Variants in YTHDC2 observed in about 807,000 individuals in gnomAD.
YTHDC2 encodes 3'-5' RNA helicase YTHDC2.
A neutral mutation model predicts 174.9 loss-of-function variants in YTHDC2; 45 were observed. The observed-to-expected ratio is 0.26, with a 90% CI of 0.20 to 0.33. The LOEUF is 0.33. YTHDC2 is among the 10% of genes least tolerant of loss of function. The probability of loss-of-function intolerance (pLI) is 1.00; values close to 1 mark genes in which losing one functional copy is unlikely to be tolerated. For missense variants in YTHDC2, 1,650 were observed against 1,723.7 expected, an observed-to-expected ratio of 0.96 and a Z score of 0.76; for synonymous variants, 657 against 574.5, an observed-to-expected ratio of 1.14 and a Z score of -2.05.
rs200770376 is a variant in YTHDC2 at position 113,526,835 on chromosome 5, A to G, written c.675+50A>G. 47 of 383,420 alleles carry G rather than the reference A, an allele frequency of 1.2e-4. 5 individuals carry two copies. The East Asian group carries it at 3.4e-3, about 28-fold the overall frequency. 23.8% of individuals were successfully genotyped at this position (383,420 alleles called of 1,614,324 possible). A position where few individuals can be genotyped will look rare whatever the true frequency, so the allele number is the denominator to read the frequency against. On this transcript the variant is annotated intron_variant, in intron 4 of 29. Coordinates refer to ENST00000161863, the MANE Select transcript of YTHDC2 (RefSeq NM_022828.5). ...AGAAAAAAAAAAAAAAAATATATAT[A>G]TATATATATATATAGTCCCATATTA...
intron 26 of YTHDC2, among the ~76,000 whole-genome samples, chr5:113,590,442 C>G (rs1257100601): frequency 6.6e-6 from 1 of 152,130 alleles, no homozygotes; most frequent in East Asian, 1.9e-4. Flanking sequence ...ATTGTTTGGT[C>G]TACTTGTTTT....
At chr5:113,546,039 C>CCTCATTAT (rs546478622) in intron 10 of YTHDC2, among the ~76,000 whole-genome samples, 1 of 128,050 alleles carries the variant, frequency 7.8e-6, no homozygotes, top group Non-Finnish European at 1.6e-5. Context: ...CGCGCCCGGC[C>CCTCATTAT]TGATCTCCAT....
chr5:113,561,780 T>A (rs1776993284), intron 18 of YTHDC2, among the ~76,000 whole-genome samples: 1 of 152,140 alleles, frequency 6.6e-6, no homozygotes, highest in Admixed American at 6.5e-5. Flanking sequence ...TTTTTTTAAA[T>A]GCAGCATTTT....
intron 21 of YTHDC2, among the ~76,000 whole-genome samples, chr5:113,566,262 A>G (rs1027507829): frequency 6.6e-6 from 1 of 152,128 alleles, no homozygotes; most frequent in African/African-American, 2.4e-5. Flanking sequence ...TGCTTGTGAT[A>G]CTGTTGGCAA....
intron 16 of YTHDC2, among the ~76,000 whole-genome samples, chr5:113,555,808 A>T (rs1158389530): frequency 6.6e-6 from 1 of 152,212 alleles, no homozygotes; most frequent in Non-Finnish European, 1.5e-5. Context: ...CAAATAGCTC[A>T]GCAGAGCACA....
At chr5:113,590,788 A>G (rs915629757) in intron 26 of YTHDC2, among the ~76,000 whole-genome samples, 2 of 152,230 alleles carry the variant, frequency 1.3e-5, no homozygotes, top group Admixed American at 6.5e-5. Flanking sequence ...TATTTGAGGT[A>G]TAAACCAAAG....
chr5:113,539,929 T>G (rs1359329527), intron 8 of YTHDC2, among the ~76,000 whole-genome samples: 1 of 152,136 alleles, frequency 6.6e-6, no homozygotes, highest in African/African-American at 2.4e-5. Context: ...AGAGACAGGT[T>G]CTTGTTCTAT....
At chr5:113,543,856 T>C (rs1392862727) in intron 10 of YTHDC2, among the ~76,000 whole-genome samples, 4 of 152,250 alleles carry the variant, frequency 2.6e-5, no homozygotes, top group Admixed American at 2.6e-4. Flanking sequence ...TCTCCACTGG[T>C]AATCACATGG....
chr5:113,591,079 T>C lies in YTHDC2; in HGVS notation c.3864T>C (p.Val1288=). The change falls in exon 27 of 30, where the codon GTT becomes GTC. Residue 1288 remains valine, a synonymous_variant. Transcript: ENST00000161863. ...CTTCGCCAAGACCAAACATGCCTGT[T>C]CGATACTTCATAATGAAGAGTAGCA... ...KSPSPRPNMP[V]RYFIMKSSNL... 6.2e-7 allele frequency: 1 copy of C among 1,613,968 alleles called. No individual in the cohort carries two copies. Among genetic ancestry groups the C allele is most frequent in the African/African-American group, 1.3e-5 (1 of 75,044 alleles).
At chr5:113,574,913 A>G (rs1335745213) in intron 23 of YTHDC2, among the ~76,000 whole-genome samples, 1 of 152,208 alleles carries the variant, frequency 6.6e-6, no homozygotes, top group Non-Finnish European at 1.5e-5. Context: ...GCAAAGATCC[A>G]TGGGAGAAAT....
intron 23 of YTHDC2, among the ~76,000 whole-genome samples, chr5:113,575,586 A>G (rs374372156): frequency 6.6e-6 from 1 of 152,324 alleles, no homozygotes; most frequent in Middle Eastern, 3.4e-3. Context: ...GTGCTAGGAA[A>G]TTATCTAGGA....
chr5:113,549,114 T>G, intron 12 of YTHDC2, 94 bp downstream of exon 12: 2 of 1,057,544 alleles, frequency 1.9e-6, no homozygotes, highest in Non-Finnish European at 2.7e-6. Flanking sequence ...AGACCATTTA[T>G]AGTCTTTTAT....
chr5:113,527,314 G>A (rs143692135), intron 4 of YTHDC2, among the ~76,000 whole-genome samples: 2 of 152,230 alleles, frequency 1.3e-5, no homozygotes, highest in Admixed American at 1.3e-4. Context: ...ACTGTAGAAT[G>A]GAATTAATAT....
intron 20 of YTHDC2, among the ~76,000 whole-genome samples, chr5:113,565,014 A>G (rs536087201): frequency 6.6e-5 from 10 of 152,206 alleles, no homozygotes; most frequent in African/African-American, 2.4e-4. Flanking sequence ...GGGTTTCACC[A>G]TGTGGGCCAG....
In YTHDC2 at chr5:113,513,807, A is replaced by C; in HGVS notation, c.-89A>C. The C allele has an allele frequency of 1.4e-6, 2 of 1,394,768 alleles. No individual in the cohort carries two copies. Among genetic ancestry groups the C allele is most frequent in the East Asian group, 2.7e-5 (1 of 37,290 alleles). 86.4% of individuals were successfully genotyped at this position (1,394,768 alleles called of 1,614,324 possible). ...CAGGCCGTCTCCGGAGCTTCCCGGT[A>C]GTGGCCCCGGATTCCCACGGTCTTT... is the stretch of plus-strand genomic sequence containing the variant. On this transcript the variant is annotated 5_prime_UTR_variant, in exon 1 of 30. Coordinates refer to ENST00000161863, the MANE Select transcript of YTHDC2 (RefSeq NM_022828.5).
intron 2 of YTHDC2, among the ~76,000 whole-genome samples, chr5:113,523,705 T>C (rs1774029200): frequency 6.6e-6 from 1 of 152,068 alleles, no homozygotes; most frequent in Non-Finnish European, 1.5e-5. Flanking sequence ...TCAAAAACCT[T>C]GATAAATTGG....
At chr5:113,564,766 CATT>C (rs1166262234) in intron 20 of YTHDC2, among the ~76,000 whole-genome samples, 6 of 152,118 alleles carry the variant, frequency 3.9e-5, no homozygotes, top group Non-Finnish European at 7.4e-5. Flanking sequence ...AAAACATAGG[CATT>C]GTATTTATTC....
At chr5:113,539,206 T>G in intron 8 of YTHDC2, 25 bp downstream of exon 8, 1 of 1,029,648 alleles carries the variant, frequency 9.7e-7, no homozygotes. Flanking sequence ...AAAAGAAATA[T>G]AAAAGAAATT....
Position 113,535,794 on chromosome 5 carries a change from A to G in YTHDC2, c.1098A>G (p.Ile366Met), listed in dbSNP as rs375388454. ...GATATTTTGGAAGTTGTCCAGTGAT[A>G]TATAGTAAGTTAAATTGTCAGATTT... ...FIRYFGSCPVIYIQGRPFEVK... is the reference protein window; with the variant it reads ...FIRYFGSCPVMYIQGRPFEVK... Residue 366 changes from isoleucine to methionine, a missense_variant, in exon 7 of 30, where the codon ATA (isoleucine) becomes ATG (methionine). By Grantham distance (10) the Ile-to-Met change is conservative. This residue lies in a region of YTHDC2 where 411 missense variants were observed against 380.6 expected (regional missense o/e 1.08). Coordinates refer to ENST00000161863, the MANE Select transcript of YTHDC2 (RefSeq NM_022828.5). 1.7e-5 allele frequency: 27 copies of G among 1,585,122 alleles called. No individual in the cohort carries two copies. Among genetic ancestry groups the G allele is most frequent in the Non-Finnish European group, 2.3e-5 (27 of 1,167,030 alleles).
Sources: gnomAD v4.1 joint callset for allele counts (sites outside exome capture counted in the v4.1 genomes callset) on GRCh38, gnomAD v4.1.1 for gene constraint, gnomAD v4.1.1 regional missense constraint, MANE v1.5 for transcripts, NCBI Gene and HGNC (gene_info 2026-07-23, HGNC 2026-07-21) for gene names.